The following FER1L5 variants were observed in gnomAD, a reference collection of about 807,000 sequenced individuals.
FER1L5 encodes fer-1-like protein 5.
A neutral mutation model predicts 279.9 loss-of-function variants in FER1L5; 187 were observed. That is an observed-to-expected ratio of 0.67 (90% confidence interval 0.59 to 0.75). FER1L5 has a LOEUF of 0.75. Among genes scored for constraint, FER1L5 ranks in the 30% least tolerant of loss-of-function variants. FER1L5 has a pLI of 0.00. For synonymous variants in FER1L5, 921 were observed against 989.7 expected, an observed-to-expected ratio of 0.93 and a Z score of 1.30; for missense variants, 2,091 against 2,594.4, an observed-to-expected ratio of 0.81 and a Z score of 4.21.
At chr2:96,653,048 C>T (rs2075446738) in intron 7 of FER1L5, 1 of 153,604 alleles carries the variant, frequency 6.5e-6, no homozygotes, top group African/African-American at 2.4e-5. Context: ...AACCCTGTCT[C>T]TTTTGTAAAA....
intron 11 of FER1L5, 60 bp downstream of exon 11, chr2:96,661,500 G>A (rs1374629010): frequency 1.5e-5 from 23 of 1,521,436 alleles, no homozygotes; most frequent in African/African-American, 2.8e-5. Flanking sequence ...GGGCACCCCT[G>A]GGCCTCACCC....
intron 19 of FER1L5, among the ~76,000 whole-genome samples, chr2:96,676,310 T>A (rs1432041738): frequency 6.6e-6 from 1 of 152,192 alleles, no homozygotes; most frequent in African/African-American, 2.4e-5. Context: ...TAGCTGGGAT[T>A]ACAGGCATGC....
Position 96,694,699 on chromosome 2 carries a change from T to A in FER1L5, c.3741+235T>A. ...AGTAGGCAAAGGGCTGTAGCATGCA[T>A]GATCACTTGTGGGACTCACGCTGCC... On this transcript the variant is annotated intron_variant, in intron 34 of 52. Coordinates refer to ENST00000624922, the MANE Select transcript of FER1L5 (RefSeq NM_001293083.2). This position sits in a 1 kb window ranked among gnomAD's most constrained non-coding sequence, Gnocchi z 4.6. 2.5e-6 allele frequency: 1 copy of A among 404,246 alleles called. No homozygotes were observed. Among genetic ancestry groups the A allele is most frequent in the Non-Finnish European group, 4.4e-6 (1 of 228,882 alleles). 25.0% of individuals were successfully genotyped at this position (404,246 alleles called of 1,614,324 possible). A position where few individuals can be genotyped will look rare whatever the true frequency, so the allele number is the denominator to read the frequency against.
At chr2:96,649,266 T>C (rs1011000349) in intron 4 of FER1L5, among the ~76,000 whole-genome samples, 2 of 152,086 alleles carry the variant, frequency 1.3e-5, no homozygotes, top group Non-Finnish European at 2.9e-5. Context: ...GCCTCCCACA[T>C]GAGTTCATGA....
Position 96,689,148 on chromosome 2 carries a change from G to T in FER1L5, c.2362-65G>T, listed in dbSNP as rs2077045046. ...CAGCCCAGAGTCAGGGGGCCCAGGG[G>T]AGGCCCATGTCCCCGCACTTTGTGC... On this transcript the variant is annotated intron_variant, in intron 24 of 52. Coordinates refer to ENST00000624922, the MANE Select transcript of FER1L5 (RefSeq NM_001293083.2). The surrounding 1 kb of genome is among the most constrained non-coding windows in gnomAD (Gnocchi z 4.6). The T allele has an allele frequency of 1.3e-6, 2 of 1,495,134 alleles. No homozygotes were observed. The highest frequency in any genetic ancestry group is 1.8e-6 in the Non-Finnish European group (2 of 1,121,284). 92.6% of individuals were successfully genotyped at this position (1,495,134 alleles called of 1,614,324 possible). A position where few individuals can be genotyped will look rare whatever the true frequency, so the allele number is the denominator to read the frequency against.
intron 2 of FER1L5, 94 bp downstream of exon 2, chr2:96,646,547 G>T: frequency 7.8e-7 from 1 of 1,286,228 alleles, no homozygotes. Flanking sequence ...GGTCTAGGGA[G>T]AGGACGTGCA....
At position 96,702,747 on chromosome 2, in the gene FER1L5, A is replaced by G; in HGVS notation, c.5397+6A>G. 1 of 1,612,474 alleles carries G rather than the reference A, an allele frequency of 6.2e-7. No individual in the cohort carries two copies. The highest frequency in any genetic ancestry group is 8.5e-7 in the Non-Finnish European group (1 of 1,179,476). On this transcript the variant is annotated splice_donor_region_variant and intron_variant, in intron 48 of 52. Transcript: ENST00000624922. This position sits in a 1 kb window ranked among gnomAD's most constrained non-coding sequence, Gnocchi z 4.0. ...CGTGTGTCCAGAGCCAGAAGGTAAC[A>G]GGCCTGGGGCGTGAGGGGCAACAGG...
intron 19 of FER1L5, among the ~76,000 whole-genome samples, chr2:96,676,626 T>A (rs1022529545): frequency 1.4e-4 from 22 of 151,870 alleles, no homozygotes; most frequent in African/African-American, 4.8e-4. Flanking sequence ...CATCAGGTAT[T>A]TTTTGTTTTT....
Position 96,698,252 on chromosome 2 carries a change from A to G in FER1L5, c.4356+96A>G. 1 of 1,457,252 alleles carries G rather than the reference A, an allele frequency of 6.9e-7. No individual in the cohort carries two copies. Among genetic ancestry groups the G allele is most frequent in the Non-Finnish European group, 9.1e-7 (1 of 1,093,622 alleles). The allele number at this position is 1,457,252 out of a possible 1,614,324, so 90.3% of individuals were successfully genotyped here. A position where few individuals can be genotyped will look rare whatever the true frequency, so the allele number is the denominator to read the frequency against. ...GCCCTGGCTCTATATGCTCATTGTGAAGATGGAGCAGGGCTTGAGAACGTT... is the reference window on the plus strand; with the variant it reads ...GCCCTGGCTCTATATGCTCATTGTGGAGATGGAGCAGGGCTTGAGAACGTT... On this transcript the variant is annotated intron_variant, in intron 40 of 52. Transcript: ENST00000624922. This position sits in a 1 kb window ranked among gnomAD's most constrained non-coding sequence, Gnocchi z 5.5.
rs1404642075 is a variant in FER1L5, at chr2:96,690,403, C to T, written c.2641-84C>T. 58 of 1,281,410 alleles carry T rather than the reference C, an allele frequency of 4.5e-5. 2 individuals carry two copies. Among genetic ancestry groups the T allele is most frequent in the East Asian group, 4.1e-4 (16 of 39,414 alleles). The allele number at this position is 1,281,410 out of a possible 1,614,324, so 79.4% of individuals were successfully genotyped here. On this transcript the variant is annotated intron_variant, in intron 26 of 52. Coordinates refer to ENST00000624922, the MANE Select transcript of FER1L5 (RefSeq NM_001293083.2). Reference sequence around the variant, plus strand: ...GAGGCTGCTGCGGCCACAGCAGGCACGCACACAGGTGTGGGAAGAGGGAGG... The same window carrying T: ...GAGGCTGCTGCGGCCACAGCAGGCATGCACACAGGTGTGGGAAGAGGGAGG...
chr2:96,687,439 G>A (rs867341918), intron 23 of FER1L5, among the ~76,000 whole-genome samples: 1 of 152,256 alleles, frequency 6.6e-6, no homozygotes, highest in South Asian at 2.1e-4. Context: ...TGTAGAATGG[G>A]CCTGGCAATC....
At chr2:96,678,311 G>A (rs1166023711) in intron 19 of FER1L5, among the ~76,000 whole-genome samples, 7 of 152,052 alleles carry the variant, frequency 4.6e-5, no homozygotes, top group East Asian at 3.9e-4. Flanking sequence ...TGTATTTTTC[G>A]TAGAGACAGG....
intron 19 of FER1L5, among the ~76,000 whole-genome samples, chr2:96,679,651 C>G (rs142076282): frequency 2.0e-4 from 30 of 152,330 alleles, no homozygotes; most frequent in African/African-American, 7.2e-4. Context: ...CATGTGTTTT[C>G]CTAGGTTACA....
rs148056683 is a variant in FER1L5 at position 96,646,755 on chromosome 2, G to C, written c.138+302G>C. ...CCTAGAAGCCTGAAGCAGAGTGAAG[G>C]CTCCCTGTGCATGACTCCCTCTCAT... On this transcript the variant is annotated intron_variant, in intron 2 of 52. Transcript: ENST00000624922. 4.8e-3 allele frequency among the ~76,000 whole-genome samples: 733 copies of C among 152,250 alleles called. 2 individuals carry two copies. The highest frequency in any genetic ancestry group is 0.01 in the Middle Eastern group (3 of 294).
rs1171600937 is a variant in FER1L5 at position 96,689,278 on chromosome 2, C to T, written c.2427C>T (p.Phe809=). 6.4e-7 allele frequency: 1 copy of T among 1,550,438 alleles called. No individual in the cohort carries two copies. The highest frequency in any genetic ancestry group is 1.2e-5 in the South Asian group (1 of 83,934). ...AGGGGCTGTATCACTGCCCCAACTT[C>T]TCGGATGTCATGGGGAACAAGACCC... ...GQQGLYHCPN[F]SDVMGNKTLP... is the part of the protein sequence containing the mutation. Residue 809 remains phenylalanine, a synonymous_variant, in exon 25 of 53, where the codon TTC becomes TTT. Transcript: ENST00000624922. This position sits in a 1 kb window ranked among gnomAD's most constrained non-coding sequence, Gnocchi z 4.6.
chr2:96,650,312 G>A (rs201179043), intron 6 of FER1L5, 23 bp downstream of exon 6: 99 of 1,538,886 alleles, frequency 6.4e-5, no homozygotes, highest in Non-Finnish European at 8.7e-5. Context: ...CAGGTTGCAA[G>A]TTCATGGGAC....
chr2:96,692,028 G>A (rs901588964), intron 30 of FER1L5, 65 bp downstream of exon 30: 29 of 1,027,904 alleles, frequency 2.8e-5, no homozygotes, highest in East Asian at 1.4e-4. Context: ...GCGGGGGGGG[G>A]GGACAGGGTG....
chr2:96,668,683 T>C, intron 14 of FER1L5, 68 bp from the exon 15 acceptor site: 2 of 1,539,842 alleles, frequency 1.3e-6, no homozygotes, highest in Non-Finnish European at 1.8e-6. Flanking sequence ...CTACCTGTTC[T>C]TAAAATCTCC....
rs115390815 is a variant in FER1L5, at chr2:96,646,893, C to T, written c.139-171C>T. Among the ~76,000 whole-genome samples, 663 of 152,264 alleles carry T rather than the reference C, an allele frequency of 4.4e-3. 7 individuals are homozygous for T. The highest frequency in any genetic ancestry group is 0.015 in the African/African-American group (623 of 41,516). On this transcript the variant is annotated intron_variant, in intron 2 of 52. Coordinates refer to ENST00000624922, the MANE Select transcript of FER1L5 (RefSeq NM_001293083.2). Reference sequence around the variant, plus strand: ...ACAGAAGCCGAGTGGGATGCCCACACCTTGGTGAAAGGTAGCAAACGCCAT... The same window carrying T: ...ACAGAAGCCGAGTGGGATGCCCACATCTTGGTGAAAGGTAGCAAACGCCAT...
Sources: gnomAD v4.1 joint callset for allele counts (sites outside exome capture counted in the v4.1 genomes callset) on GRCh38, gnomAD v4.1.1 for gene constraint, Gnocchi (gnomAD v3.1) non-coding constraint, MANE v1.5 for transcripts, NCBI Gene and HGNC (gene_info 2026-07-23, HGNC 2026-07-21) for gene names.